The following RUNX1 variants were observed in gnomAD, a reference collection of about 807,000 sequenced individuals.
RUNX1 encodes RUNX family transcription factor 1.
A neutral mutation model predicts 42.8 loss-of-function variants in RUNX1; 19 were observed. The ratio of observed to expected loss-of-function variants is 0.44; its 90% CI spans 0.31 to 0.65. The LOEUF is 0.65. Ranked by LOEUF, RUNX1 falls within the 30% of genes least tolerant of loss-of-function variation. The probability of loss-of-function intolerance (pLI) is 0.07; values close to 1 mark genes in which losing one functional copy is unlikely to be tolerated. For missense variants in RUNX1, 528 were observed against 672.0 expected (o/e 0.79, Z 2.37); for synonymous variants, 271 against 289.4 (o/e 0.94, Z 0.64).
chr21:34,849,341 TTA>T (rs1263475039), intron 6 of RUNX1, among the ~76,000 whole-genome samples: 1 of 39,490 alleles, frequency 2.5e-5, no homozygotes, highest in African/African-American at 8.3e-5. Flanking sequence ...ACTATATATA[TTA>T]TATATAGTAT....
chr21:34,975,585 T>C (rs1210014012), intron 2 of RUNX1, among the ~76,000 whole-genome samples: 3 of 152,282 alleles, frequency 2.0e-5, no homozygotes, highest in Non-Finnish European at 4.4e-5. Flanking sequence ...AATACCCCCA[T>C]GGATACTGGG....
intron 2 of RUNX1, among the ~76,000 whole-genome samples, chr21:34,971,705 A>C (rs1427612021): frequency 2.0e-5 from 3 of 152,222 alleles, no homozygotes; most frequent in Non-Finnish European, 2.9e-5. Flanking sequence ...GGTAGGGCAC[A>C]GGTTCCCATG....
At chr21:35,039,813 G>A (rs1314866631) in intron 2 of RUNX1, among the ~76,000 whole-genome samples, 1 of 152,132 alleles carries the variant, frequency 6.6e-6, no homozygotes, top group Admixed American at 6.5e-5. Flanking sequence ...TTTGTTTAAG[G>A]TTGCTTAACG....
At chr21:35,038,048 T>C (rs2059322614) in intron 2 of RUNX1, among the ~76,000 whole-genome samples, 1 of 152,134 alleles carries the variant, frequency 6.6e-6, no homozygotes, top group Admixed American at 6.5e-5. Context: ...CAGAGTTACC[T>C]TGTACTTATT....
At chr21:34,810,998 T>G (rs2056751019) in intron 7 of RUNX1, among the ~76,000 whole-genome samples, 1 of 152,080 alleles carries the variant, frequency 6.6e-6, no homozygotes, top group Admixed American at 6.5e-5. Context: ...AGCAGCAGCC[T>G]CCTCCTTCAC....
Position 34,998,603 on chromosome 21 carries a change from C to A in RUNX1, c.58+50239G>T, listed in dbSNP as rs928200225. ...GTCACCCAGGCTGTAGTGTAGTGGC[C>A]CAGTCTCGGCTCACTGCAAGCTCCG... On this transcript the variant is annotated intron_variant, in intron 2 of 8. Coordinates refer to ENST00000675419, the MANE Select transcript of RUNX1 (RefSeq NM_001754.5). 4.6e-5 allele frequency among the ~76,000 whole-genome samples: 7 copies of A among 151,858 alleles called. No individual in the cohort carries two copies. In the East Asian group the frequency reaches 1.2e-3, roughly 25 times the overall value.
intron 7 of RUNX1, chr21:34,821,173 C>A: frequency 4.0e-6 from 4 of 996,456 alleles, no homozygotes; most frequent in Non-Finnish European, 4.8e-6. Flanking sequence ...TAAGGAGACA[C>A]CGGGGGAATT....
rs766681045 is a variant in RUNX1 at position 34,880,603 on chromosome 21, C to G, written c.462G>C (p.Gln154His). ...LRNATAAMKN[Q>H]VARFNDLRFV... ...ACCTGAGGTCATTAAATCTTGCAAC[C>G]TGGTTCTTCATGGCTGCGGTAGCAT... is the stretch of plus-strand genomic sequence containing the variant. The change falls in exon 5 of 9, where the codon CAG becomes CAC. Residue 154 changes from glutamine to histidine, a missense_variant. Gln to His is a conservative substitution (Grantham distance 24). Around this residue, in one of 3 missense-constraint regions of RUNX1, gnomAD observed 83 missense variants for 174.5 expected, o/e 0.48. Transcript: ENST00000675419. The G allele has an allele frequency of 6.2e-7, 1 of 1,614,094 alleles. No homozygotes were observed.
At chr21:34,872,279 C>T (rs1258006725) in intron 5 of RUNX1, among the ~76,000 whole-genome samples, 2 of 152,214 alleles carry the variant, frequency 1.3e-5, no homozygotes, top group Admixed American at 6.5e-5. Context: ...TTCCTAGTTT[C>T]TGCAGTCCTC....
chr21:34,929,891 C>T (rs956394579), intron 2 of RUNX1, among the ~76,000 whole-genome samples: 2 of 151,938 alleles, frequency 1.3e-5, no homozygotes, highest in African/African-American at 2.4e-5. Context: ...GTTGTCATCC[C>T]GGAAAATTCT....
chr21:34,846,039 C>CA (rs1569048237), intron 6 of RUNX1, among the ~76,000 whole-genome samples: 2 of 152,102 alleles, frequency 1.3e-5, no homozygotes. Context: ...GAGGCGGCCC[C>CA]ACTCAGAAAC....
intron 6 of RUNX1, among the ~76,000 whole-genome samples, chr21:34,847,396 G>T (rs190398181): frequency 6.6e-6 from 1 of 151,920 alleles, no homozygotes; most frequent in Non-Finnish European, 1.5e-5. Context: ...TGAAAGACAC[G>T]ACGAGATAAT....
chr21:34,889,703 T>TC (rs1430267694), intron 3 of RUNX1: 7 of 1,175,298 alleles, frequency 6.0e-6, no homozygotes, highest in Admixed American at 4.3e-5. Context: ...GGCGGCCGCT[T>TC]CCCCCTGCGC....
chr21:34,879,568 T>G (rs1035169822), intron 5 of RUNX1, among the ~76,000 whole-genome samples: 22 of 152,202 alleles, frequency 1.4e-4, no homozygotes, highest in African/African-American at 5.3e-4. Flanking sequence ...TGCTTCCATT[T>G]TTTTCAATAC....
At chr21:35,047,046 C>T (rs577875103) in intron 2 of RUNX1, among the ~76,000 whole-genome samples, 3 of 152,142 alleles carry the variant, frequency 2.0e-5, no homozygotes, top group African/African-American at 4.8e-5. Flanking sequence ...GTGTCCCTCA[C>T]CATCTTTGCC....
chr21:35,037,324 T>A (rs1399484897), intron 2 of RUNX1, among the ~76,000 whole-genome samples: 1 of 152,206 alleles, frequency 6.6e-6, no homozygotes, highest in African/African-American at 2.4e-5. Context: ...GGGAACTGCC[T>A]GAACATCTCT....
chr21:34,860,280 AT>A (rs1410737227), intron 5 of RUNX1, among the ~76,000 whole-genome samples: 1 of 152,214 alleles, frequency 6.6e-6, no homozygotes, highest in Non-Finnish European at 1.5e-5. Context: ...AGGTGAGAAA[AT>A]CTTCATTGCA....
intron 2 of RUNX1, among the ~76,000 whole-genome samples, chr21:34,963,306 T>TC (rs1228210470): frequency 2.0e-5 from 3 of 152,000 alleles, no homozygotes; most frequent in African/African-American, 4.8e-5. Context: ...ATGACACTCC[T>TC]CCCCCCGGCA....
At chr21:34,799,590 T>C (rs1411868978) in intron 7 of RUNX1, 128 bp from the exon 8 acceptor site, 1 of 756,094 alleles carries the variant, frequency 1.3e-6, no homozygotes. Context: ...GTACCAGGGT[T>C]TAATAAGCCT....
Sources: gnomAD v4.1 joint callset for allele counts (sites outside exome capture counted in the v4.1 genomes callset) on GRCh38, gnomAD v4.1.1 for gene constraint, gnomAD v4.1.1 regional missense constraint, MANE v1.5 for transcripts, NCBI Gene and HGNC (gene_info 2026-07-23, HGNC 2026-07-21) for gene names.